Variants in CAPN12 observed in about 807,000 individuals in gnomAD.
The protein encoded by CAPN12 is calpain 12, also known as calpain-12.
In CAPN12, 107 loss-of-function variants were observed where a neutral mutation model predicts 95.0. The ratio of observed to expected loss-of-function variants is 1.13; its 90% CI spans 0.96 to 1.32. CAPN12 has a LOEUF of 1.32. Among genes scored for constraint, CAPN12 ranks in the 40% most tolerant of loss-of-function variants. CAPN12 has a pLI of 0.00. For missense variants in CAPN12, 1,136 were observed against 997.8 expected (o/e 1.14, Z -1.87); for synonymous variants, 505 against 415.5 (o/e 1.22, Z -2.62).
intron 12 of CAPN12, 122 bp downstream of exon 12, chr19:38,735,988 T>TCTCGGGGG: frequency 5.5e-6 from 1 of 181,836 alleles, no homozygotes; most frequent in East Asian, 7.7e-5. Context: ...GGGGCAGGGG[T>TCTCGGGGG]TCTGGGGGCG....
At chr19:38,736,622 T>C in intron 10 of CAPN12, 59 bp from the exon 11 acceptor site, 1 of 1,381,708 alleles carries the variant, frequency 7.2e-7, no homozygotes, top group South Asian at 1.4e-5. Context: ...CCGCTCAGGG[T>C]CTCCTCCCTG....
chr19:38,731,376 TTCAATCCTCTGGGCCTGTTTCC>T, intron 18 of CAPN12, 153 bp from the exon 19 acceptor site: 1 of 646,282 alleles, frequency 1.5e-6, no homozygotes, highest in Non-Finnish European at 2.8e-6. Context: ...GGCTGATCCC[TTCAATCCTCTGGGCCTGTTTCC>T]TCATCCATCA....
chr19:38,735,664 C>T (rs1201895943), intron 12 of CAPN12, 120 bp from the exon 13 acceptor site: 11 of 345,312 alleles, frequency 3.2e-5, no homozygotes, highest in Non-Finnish European at 4.7e-5. Context: ...GCCCTGGGCT[C>T]ATCCTCGCGG....
chr19:38,736,281 A>AGCGCATGGCT lies in CAPN12; in HGVS notation c.1402_1411dup (p.Leu471GlnfsTer47), dbSNP rs1970140389. Reference sequence around the variant, plus strand: ...GTCGGCGCGCAGCAGCCGGGGCAGGAGCGCATGGCTGCGCGGGGAATCCCA... The same window carrying AGCGCATGGCT: ...GTCGGCGCGCAGCAGCCGGGGCAGGAGCGCATGGCTGCGCATGGCTGCGCGGGGAATCCCA... On this transcript the variant is annotated frameshift_variant, in exon 12 of 21. Coordinates refer to ENST00000328867, the MANE Select transcript of CAPN12 (RefSeq NM_144691.4). LOFTEE classifies it high-confidence loss of function. 2 of 1,445,464 alleles carry AGCGCATGGCT rather than the reference A, an allele frequency of 1.4e-6. No individual in the cohort carries two copies. The highest frequency in any genetic ancestry group is 1.5e-5 in the African/African-American group (1 of 66,378). 89.5% of individuals were successfully genotyped at this position (1,445,464 alleles called of 1,614,324 possible).
At chr19:38,739,479 AAGAGT>A (rs1162340612) in intron 5 of CAPN12, 1 of 143,520 alleles carries the variant, frequency 7.0e-6, no homozygotes, top group Non-Finnish European at 1.5e-5. Flanking sequence ...AAAAGATGGA[AAGAGT>A]AGAGAGACAG....
At position 38,730,972 on chromosome 19, in the gene CAPN12, T is replaced by C; in HGVS notation, c.2126A>G (p.His709Arg). The C allele has an allele frequency of 6.4e-7, 1 of 1,550,842 alleles. No homozygotes were observed. Among genetic ancestry groups the C allele is most frequent in the Non-Finnish European group, 8.7e-7 (1 of 1,147,168 alleles). The change falls in exon 20 of 21, where the codon CAC becomes CGC. Residue 709 changes from histidine to arginine, a missense_variant. By Grantham distance (29) the His-to-Arg change is conservative. Coordinates refer to ENST00000328867, the MANE Select transcript of CAPN12 (RefSeq NM_144691.4). Reference protein sequence around the residue: ...DGGEGVICLTHRQWMEVATFS With the variant: ...DGGEGVICLTRRQWMEVATFS ...CCCTCCCACCTGGCTCACCTGTCTG[T>C]GGGTCAGGCAGATGACCCCCTCACC...
At position 38,742,403 on chromosome 19, in the gene CAPN12, G is replaced by A. The variant is rs771869375; in HGVS notation, c.426+7C>T. 9.4e-6 allele frequency: 15 copies of A among 1,594,826 alleles called. No individual in the cohort carries two copies. Among genetic ancestry groups the A allele is most frequent in the Admixed American group, 6.7e-5 (4 of 59,946 alleles). On this transcript the variant is annotated splice_region_variant and intron_variant, in intron 3 of 20. Transcript: ENST00000328867. Reference sequence around the variant, plus strand: ...ACGGAGGCATGGGCAGAGGAACTGAGCTGTACCTGGAAGTGGAAGACGCCT... The same window carrying A: ...ACGGAGGCATGGGCAGAGGAACTGAACTGTACCTGGAAGTGGAAGACGCCT...
chr19:38,744,341 T>C lies in CAPN12; in HGVS notation c.-176A>G, dbSNP rs1419950782. On this transcript the variant is annotated 5_prime_UTR_variant, in exon 1 of 21. Transcript: ENST00000328867. ...AGCAGGGACGCCTCTTCAGTAGCTT[T>C]CTTCCCAGGGCGTGGGGCCTTCAGT... The C allele has an allele frequency of 1.9e-5, 12 of 646,700 alleles. No homozygotes were observed. In the East Asian group the frequency reaches 3.3e-4, roughly 18 times the overall value. The allele number at this position is 646,700 out of a possible 1,614,324, so 40.1% of individuals were successfully genotyped here.
chr19:38,735,626 C>A (rs776484784), intron 12 of CAPN12, 82 bp from the exon 13 acceptor site: 27 of 1,412,534 alleles, frequency 1.9e-5, no homozygotes, highest in Admixed American at 1.8e-4. Flanking sequence ...GGTGAGGAAT[C>A]GCGTGGGGTC....
chr19:38,734,306 G>GC lies in CAPN12; in HGVS notation c.1815+12dup, dbSNP rs756292320. The GC allele has an allele frequency of 3.1e-6, 5 of 1,604,532 alleles. No individual in the cohort carries two copies. Among genetic ancestry groups the GC allele is most frequent in the Middle Eastern group, 1.7e-4 (1 of 6,050 alleles). On this transcript the variant is annotated intron_variant, in intron 16 of 20. Transcript: ENST00000328867. The stretch of plus-strand genomic sequence containing the variant: ...CCACTCCCTCCCTCACCCAGGCACT[G>GC]CCCCCCATGTACCCCGAAACACTGC...
At position 38,735,412 on chromosome 19, in the gene CAPN12, CA is replaced by C; in HGVS notation, c.1643del (p.Leu548ArgfsTer28). The C allele has an allele frequency of 6.2e-7, 1 of 1,609,826 alleles. No individual in the cohort carries two copies. The highest frequency in any genetic ancestry group is 8.5e-7 in the Non-Finnish European group (1 of 1,178,240). On this transcript the variant is annotated frameshift_variant, in exon 14 of 21. Transcript: ENST00000328867. LOFTEE classifies it high-confidence loss of function. ...LQSLQGPYLP[L>X]ELGLEQLFQE... Reference sequence around the variant, plus strand: ...GAAACAGCTGCTCCAACCCCAGCTCCAGGGGCAGGTAGGGGCCCTGCCGCAT... The same window carrying C: ...GAAACAGCTGCTCCAACCCCAGCTCCGGGGCAGGTAGGGGCCCTGCCGCAT...
intron 18 of CAPN12, among the ~76,000 whole-genome samples, chr19:38,732,343 CTTTTT>C (rs1568765863): frequency 6.6e-6 from 1 of 152,038 alleles, no homozygotes; most frequent in East Asian, 1.9e-4. Context: ...TTTCTTTTTT[CTTTTT>C]TGAGACGGAG....
At chr19:38,742,111 G>A (rs1171646490) in intron 3 of CAPN12, 4 of 680,302 alleles carry the variant, frequency 5.9e-6, no homozygotes, top group African/African-American at 3.6e-5. Flanking sequence ...GGATCACGAG[G>A]TCAGGAATTC....
At chr19:38,734,281 C>T in intron 16 of CAPN12, 38 bp downstream of exon 16, 4 of 1,602,268 alleles carry the variant, frequency 2.5e-6, no homozygotes, top group Non-Finnish European at 3.4e-6. Flanking sequence ...GTCCCCTTCC[C>T]CACTCCCTCC....
chr19:38,732,275 C>T (rs187306979), intron 18 of CAPN12, among the ~76,000 whole-genome samples: 22 of 152,354 alleles, frequency 1.4e-4, no homozygotes, highest in Non-Finnish European at 2.9e-4. Flanking sequence ...CTCTCTGCCC[C>T]ACGTCTCCCA....
rs151024632 is a variant in CAPN12 at position 38,735,344 on chromosome 19, C to T, written c.1686+26G>A. On this transcript the variant is annotated intron_variant, in intron 14 of 20. Coordinates refer to ENST00000328867, the MANE Select transcript of CAPN12 (RefSeq NM_144691.4). Reference sequence around the variant, plus strand: ...CCAAGGGGAGGCCGCAGCGGGATACCCCCTCAGTCCAATCCCCCTCCTCAC... The same window carrying T: ...CCAAGGGGAGGCCGCAGCGGGATACTCCCTCAGTCCAATCCCCCTCCTCAC... 7.9e-4 allele frequency: 1,199 copies of T among 1,526,126 alleles called. 1 individual carries two copies. Among genetic ancestry groups the T allele is most frequent in the Non-Finnish European group, 1.0e-3 (1,147 of 1,131,078 alleles). The allele number at this position is 1,526,126 out of a possible 1,614,324, so 94.5% of individuals were successfully genotyped here. A position where few individuals can be genotyped will look rare whatever the true frequency, so the allele number is the denominator to read the frequency against.
intron 18 of CAPN12, among the ~76,000 whole-genome samples, chr19:38,732,958 C>T (rs1969738324): frequency 6.6e-6 from 1 of 152,144 alleles, no homozygotes; most frequent in Non-Finnish European, 1.5e-5. Flanking sequence ...GGGCTTGTTC[C>T]AGCTCATCAG....
At chr19:38,734,566 G>A (rs985044499) in intron 15 of CAPN12, 177 bp from the exon 16 acceptor site, 28 of 674,548 alleles carry the variant, frequency 4.2e-5, no homozygotes, top group Admixed American at 6.1e-5. Flanking sequence ...AATCCAGGCA[G>A]GGGGTGCCCA....
rs1468718368 is a variant in CAPN12 at position 38,735,300 on chromosome 19, G to C, written c.1686+70C>G. 2.1e-6 allele frequency: 3 copies of C among 1,427,648 alleles called. No individual in the cohort carries two copies. The South Asian group carries it at 4.2e-5, about 20-fold the overall frequency. The allele number at this position is 1,427,648 out of a possible 1,614,324, so 88.4% of individuals were successfully genotyped here. A position where few individuals can be genotyped will look rare whatever the true frequency, so the allele number is the denominator to read the frequency against. ...CAAAATGAGACACCTGAGATGCTGG[G>C]GTGGGGGAAGGGGGGTCCCCAAGGG... On this transcript the variant is annotated intron_variant, in intron 14 of 20. Coordinates refer to ENST00000328867, the MANE Select transcript of CAPN12 (RefSeq NM_144691.4).
Sources: gnomAD v4.1 joint callset for allele counts (sites outside exome capture counted in the v4.1 genomes callset) on GRCh38, gnomAD v4.1.1 for gene constraint, MANE v1.5 for transcripts, NCBI Gene and HGNC (gene_info 2026-07-23, HGNC 2026-07-21) for gene names.